The following DYSF variants were observed in gnomAD, a reference collection of about 807,000 sequenced individuals.
DYSF encodes dystrophy-associated fer-1-like 1.
A neutral mutation model predicts 274.9 loss-of-function variants in DYSF; 212 were observed. The observed-to-expected ratio is 0.77, with a 90% CI of 0.69 to 0.86. The LOEUF (loss-of-function observed/expected upper bound fraction) is 0.86. Ranked by LOEUF, DYSF falls within the 40% of genes least tolerant of loss-of-function variation. The pLI is 0.00. For missense variants in DYSF, 2,666 were observed against 2,783.2 expected (o/e 0.96, Z 0.95); for synonymous variants, 1,091 against 1,078.7 (o/e 1.01, Z -0.22).
At chr2:71,512,003 C>A (rs79084610) in intron 5 of DYSF, 82 bp downstream of exon 5, 4 of 923,982 alleles carry the variant, frequency 4.3e-6, no homozygotes, top group African/African-American at 1.6e-5. Context: ...GGAGCTGCAG[C>A]GAGGCTTCCC....
chr2:71,633,259 G>A (rs2094344797), intron 41 of DYSF, among the ~76,000 whole-genome samples: 1 of 152,290 alleles, frequency 6.6e-6, no homozygotes, highest in Admixed American at 6.5e-5. Context: ...TGAAGTCGGA[G>A]TATTTGCATG....
chr2:71,661,741 TGTCATCAA>T (rs1303630470), intron 45 of DYSF, among the ~76,000 whole-genome samples: 1 of 152,186 alleles, frequency 6.6e-6, no homozygotes, highest in Non-Finnish European at 1.5e-5. Flanking sequence ...ACTGTTCCGA[TGTCATCAA>T]GTCACATATT....
chr2:71,545,350 C>T (rs952900601), intron 17 of DYSF, among the ~76,000 whole-genome samples: 1 of 152,236 alleles, frequency 6.6e-6, no homozygotes, highest in Admixed American at 6.5e-5. Context: ...TAGCTGCTCT[C>T]TGCCTTCTGA....
At chr2:71,516,277 T>C (rs1248157228) in intron 9 of DYSF, 35 bp downstream of exon 9, 1 of 1,601,088 alleles carries the variant, frequency 6.2e-7, no homozygotes, top group Non-Finnish European at 8.6e-7. Flanking sequence ...CTCCGTGGGC[T>C]GTATGTATGC....
intron 5 of DYSF, 90 bp from the exon 6 acceptor site, chr2:71,513,150 C>A: frequency 1.6e-6 from 2 of 1,266,850 alleles, no homozygotes; most frequent in African/African-American, 1.5e-5. Flanking sequence ...GCGGGGAAGG[C>A]AGGGTTGGGG....
At position 71,602,406 on chromosome 2, in the gene DYSF, T is replaced by C. The variant is rs115004095; in HGVS notation, c.3928-370T>C. 3.7e-3 allele frequency among the ~76,000 whole-genome samples: 570 copies of C among 152,244 alleles called. 5 individuals carry two copies. The highest frequency in any genetic ancestry group is 0.013 in the African/African-American group (540 of 41,538). On this transcript the variant is annotated intron_variant, in intron 35 of 55. Transcript: ENST00000410020. ...GCTGCCCGCTCCTGGGGGTTCTAGG[T>C]TGGTTCTCCTCAGCTTGCCAAGGCC...
At chr2:71,484,720 TTTAAAAA>T (rs2083228067) in intron 3 of DYSF, among the ~76,000 whole-genome samples, 1 of 152,190 alleles carries the variant, frequency 6.6e-6, no homozygotes, top group Admixed American at 6.5e-5. Flanking sequence ...AGTTCAATTT[TTTAAAAA>T]TTAGTTCTCT....
chr2:71,517,134 G>T, intron 10 of DYSF, 95 bp downstream of exon 10: 2 of 1,177,302 alleles, frequency 1.7e-6, no homozygotes. Context: ...GAGATCCTGT[G>T]TTTCTCTGCT....
At position 71,466,866 on chromosome 2, in the gene DYSF, G is replaced by A. The variant is rs1293616541; in HGVS notation, c.24G>A (p.Arg8=). ...CCATGCTGTGCTGCCTGCTGGTGAG[G>A]GCCAGCAACCTCCCCAGTGCGAAGA... MLCCLLV[R]ASNLPSAKKD... is the part of the protein sequence containing the mutation. The change falls in exon 1 of 56, where the codon AGG becomes AGA. Residue 8 remains arginine, a synonymous_variant. Transcript: ENST00000410020. The A allele has an allele frequency of 6.3e-5, 97 of 1,546,730 alleles. No individual in the cohort carries two copies. Among genetic ancestry groups the A allele is most frequent in the Non-Finnish European group, 7.4e-5 (85 of 1,143,564 alleles).
chr2:71,600,863 G>C, intron 34 of DYSF, 21 bp downstream of exon 34: 1 of 1,606,252 alleles, frequency 6.2e-7, no homozygotes, highest in Non-Finnish European at 8.5e-7. Context: ...TCTATATCCA[G>C]ATCCAGGAGG....
chr2:71,497,842 G>A (rs578151348), intron 3 of DYSF, among the ~76,000 whole-genome samples: 66 of 152,222 alleles, frequency 4.3e-4, no homozygotes, highest in African/African-American at 1.5e-3. Context: ...CTCTACATGT[G>A]AGCGTGCATT....
intron 54 of DYSF, 99 bp downstream of exon 54, chr2:71,681,209 G>A: frequency 1.7e-6 from 2 of 1,156,110 alleles, no homozygotes; most frequent in Non-Finnish European, 2.5e-6. Flanking sequence ...AAGTCACAAA[G>A]CCCACGTGGC....
intron 17 of DYSF, among the ~76,000 whole-genome samples, chr2:71,544,013 T>A (rs1379801157): frequency 6.6e-6 from 1 of 152,168 alleles, no homozygotes; most frequent in East Asian, 1.9e-4. Context: ...TCCCTGTCAC[T>A]CCTTTTATAT....
chr2:71,670,399 G>A (rs955007213), intron 51 of DYSF, among the ~76,000 whole-genome samples: 3 of 152,216 alleles, frequency 2.0e-5, no homozygotes, highest in Non-Finnish European at 4.4e-5. Flanking sequence ...GGCCAGTCTG[G>A]CCTATAGATC....
chr2:71,487,542 T>C (rs560478605), intron 3 of DYSF, among the ~76,000 whole-genome samples: 4 of 152,302 alleles, frequency 2.6e-5, no homozygotes, highest in African/African-American at 9.6e-5. Context: ...AGAGTCTCGC[T>C]CTGTCGCCCA....
rs1281990913 is a variant in DYSF at position 71,672,575 on chromosome 2, C to A, written c.5785-1622C>A. ...GTCAGGCACCCACCCTGCAAATAAA[C>A]AGCTAGTAAAAGCGCCCAGGCCAGG... On this transcript the variant is annotated intron_variant, in intron 51 of 55. Coordinates refer to ENST00000410020, the MANE Select transcript of DYSF (RefSeq NM_001130987.2). 2.6e-5 allele frequency among the ~76,000 whole-genome samples: 4 copies of A among 152,306 alleles called. No homozygotes were observed. In the East Asian group the frequency reaches 7.7e-4, roughly 29 times the overall value.
chr2:71,498,501 T>C (rs1375575931), intron 3 of DYSF, among the ~76,000 whole-genome samples: 2 of 152,200 alleles, frequency 1.3e-5, no homozygotes, highest in Non-Finnish European at 2.9e-5. Context: ...GAAAAATACC[T>C]CAAACACCAA....
intron 52 of DYSF, among the ~76,000 whole-genome samples, chr2:71,676,071 C>T (rs2152963919): frequency 6.6e-6 from 1 of 152,208 alleles, no homozygotes; most frequent in East Asian, 1.9e-4. Context: ...TTGATTAATC[C>T]TCTCCTGGTG....
upstream of DYSF, among the ~76,000 whole-genome samples, chr2:71,463,104 A>G (rs2081352290): frequency 6.6e-6 from 1 of 152,200 alleles, no homozygotes. Flanking sequence ...CGTCTAGGGC[A>G]CCTAGGCTGT....
Sources: allele counts gnomAD v4.1 joint callset (sites outside exome capture counted in the v4.1 genomes callset), GRCh38; gene constraint gnomAD v4.1.1; transcripts MANE v1.5; gene names NCBI Gene and HGNC (gene_info 2026-07-23, HGNC 2026-07-21).